SLC39A12: variants seen among roughly 807,000 people sequenced by gnomAD.
SLC39A12 encodes the protein zinc transporter ZIP12.
SLC39A12 carries 63 observed loss-of-function variants against 71.1 expected under a neutral mutation model. That is an observed-to-expected ratio of 0.89 (90% CI 0.72 to 1.09). The LOEUF is 1.09. Among genes scored for constraint, SLC39A12 ranks in the 50% least tolerant of loss-of-function variants. SLC39A12 has a pLI of 0.00. For missense variants in SLC39A12, 892 were observed against 812.6 expected (o/e 1.10, Z -1.19); for synonymous variants, 351 against 301.3 (o/e 1.16, Z -1.71).
At chr10:17,956,301 C>T (rs1317660970) in intron 2 of SLC39A12, among the ~76,000 whole-genome samples, 1 of 152,086 alleles carries the variant, frequency 6.6e-6, no homozygotes, top group East Asian at 1.9e-4. Context: ...ATGTGCTCCT[C>T]AGGGAGATCT....
At chr10:18,029,671 G>A (rs1184949738) in intron 12 of SLC39A12, among the ~76,000 whole-genome samples, 1 of 151,980 alleles carries the variant, frequency 6.6e-6, no homozygotes, top group Non-Finnish European at 1.5e-5. Flanking sequence ...TACTCTTAGA[G>A]TATAAATCAA....
At chr10:18,028,202 C>G (rs1164270468) in intron 12 of SLC39A12, among the ~76,000 whole-genome samples, 1 of 152,176 alleles carries the variant, frequency 6.6e-6, no homozygotes, top group Non-Finnish European at 1.5e-5. Flanking sequence ...ACTTAAAGTA[C>G]AACCTTACCT....
chr10:18,041,905 A>C (rs1216839217), intron 12 of SLC39A12, among the ~76,000 whole-genome samples: 2 of 147,884 alleles, frequency 1.4e-5, no homozygotes, highest in African/African-American at 5.0e-5. Context: ...GTATATGTAT[A>C]TATGTATACA....
chr10:17,980,023 A>G (rs1411553169), intron 5 of SLC39A12, among the ~76,000 whole-genome samples: 1 of 152,126 alleles, frequency 6.6e-6, no homozygotes. Context: ...TCAGGGAGGG[A>G]GAGGAGGGCA....
chr10:18,041,655 GTATA>G (rs1181037224), intron 12 of SLC39A12, among the ~76,000 whole-genome samples: 3 of 49,242 alleles, frequency 6.1e-5, no homozygotes, highest in African/African-American at 2.1e-4. Context: ...ATATACATAT[GTATA>G]TATGTGTATA....
chr10:18,042,238 G>A (rs1007427148), intron 12 of SLC39A12, among the ~76,000 whole-genome samples: 4 of 152,114 alleles, frequency 2.6e-5, no homozygotes, highest in Admixed American at 6.5e-5. Context: ...AGCACTTTGG[G>A]AGGCCGCAAC....
chr10:17,984,201 C>T (rs1835345104), intron 6 of SLC39A12, among the ~76,000 whole-genome samples: 3 of 152,172 alleles, frequency 2.0e-5, no homozygotes. Flanking sequence ...TTAGCAGAGT[C>T]CTGTGACCAC....
intron 7 of SLC39A12, among the ~76,000 whole-genome samples, chr10:17,987,974 G>C (rs1835447166): frequency 6.6e-6 from 1 of 152,134 alleles, no homozygotes; most frequent in South Asian, 2.1e-4. Flanking sequence ...AGGAGCTCAA[G>C]AACAGCCTGG....
Position 18,040,439 on chromosome 10 carries a change from C to T in SLC39A12, c.1948-2266C>T, listed in dbSNP as rs371376350. Among the ~76,000 whole-genome samples the T allele has an allele frequency of 1.3e-4, 20 of 152,162 alleles. No individual in the cohort carries two copies. In the South Asian group the frequency reaches 2.5e-3, roughly 19 times the overall value. ...ACCTAAGATGAAGAAATATCTCAAA[C>T]AGAGCATTCAGGGTGCTCCTCTCCA... is the stretch of plus-strand genomic sequence containing the variant. On this transcript the variant is annotated intron_variant, in intron 12 of 12. Coordinates refer to ENST00000377369, the MANE Select transcript of SLC39A12 (RefSeq NM_001145195.2).
At chr10:18,033,483 G>T (rs1349264942) in intron 12 of SLC39A12, among the ~76,000 whole-genome samples, 3 of 149,398 alleles carry the variant, frequency 2.0e-5, no homozygotes, top group East Asian at 2.1e-4. Context: ...ATTTCTGTGG[G>T]ATCGGTGGTG....
intron 10 of SLC39A12, among the ~76,000 whole-genome samples, chr10:17,998,626 T>G (rs1835750091): frequency 6.6e-6 from 1 of 152,194 alleles, no homozygotes; most frequent in South Asian, 2.1e-4. Flanking sequence ...CTAAAATAAG[T>G]TAGTGAACCA....
At chr10:17,999,567 AC>A (rs1835776052) in intron 10 of SLC39A12, among the ~76,000 whole-genome samples, 1 of 142,616 alleles carries the variant, frequency 7.0e-6, no homozygotes, top group South Asian at 2.4e-4. Flanking sequence ...AACTTTCAGA[AC>A]AGAAGTTCTG....
chr10:17,988,498 C>T (rs140360814), intron 7 of SLC39A12, among the ~76,000 whole-genome samples: 3 of 152,306 alleles, frequency 2.0e-5, no homozygotes, highest in Admixed American at 6.5e-5. Flanking sequence ...GCTTCCTGTA[C>T]ACCCTGCAGA....
rs148691645 is a variant in SLC39A12, at chr10:17,999,423, A to G, written c.1601-1244A>G. On this transcript the variant is annotated intron_variant, in intron 10 of 12. Transcript: ENST00000377369. The stretch of plus-strand genomic sequence containing the variant: ...ATTAATGAAAGTTTAGACTATGACA[A>G]TTGATTAATGACTTTTCTTATCAAG... Among the ~76,000 whole-genome samples, 314 of 152,248 alleles carry G rather than the reference A, an allele frequency of 2.1e-3. 3 individuals are homozygous for G. The highest frequency in any genetic ancestry group is 7.2e-3 in the African/African-American group (298 of 41,552).
At chr10:17,972,367 G>A (rs1834997661) in intron 4 of SLC39A12, among the ~76,000 whole-genome samples, 1 of 152,130 alleles carries the variant, frequency 6.6e-6, no homozygotes, top group Non-Finnish European at 1.5e-5. Context: ...GTATAGTGCA[G>A]ATGAAGTTTA....
intron 12 of SLC39A12, among the ~76,000 whole-genome samples, chr10:18,016,160 A>C (rs1388499423): frequency 6.6e-6 from 1 of 152,202 alleles, no homozygotes; most frequent in African/African-American, 2.4e-5. Flanking sequence ...GAATAGTTGC[A>C]CTGCCTAAAT....
intron 2 of SLC39A12, among the ~76,000 whole-genome samples, chr10:17,960,719 G>A (rs1428644624): frequency 6.6e-6 from 1 of 152,212 alleles, no homozygotes; most frequent in Non-Finnish European, 1.5e-5. Flanking sequence ...GTCCAGCACA[G>A]TAACCACTAG....
intron 12 of SLC39A12, among the ~76,000 whole-genome samples, chr10:18,005,037 A>G (rs1260150479): frequency 1.4e-5 from 2 of 145,546 alleles, no homozygotes; most frequent in African/African-American, 5.0e-5. Flanking sequence ...GAACACATGG[A>G]CATAGGGACG....
At chr10:18,015,398 A>C (rs1184582568) in intron 12 of SLC39A12, among the ~76,000 whole-genome samples, 1 of 151,640 alleles carries the variant, frequency 6.6e-6, no homozygotes, top group Non-Finnish European at 1.5e-5. Context: ...TACTCAAAAG[A>C]TGTTTTTTTC....
Sources: gnomAD v4.1 joint callset for allele counts (sites outside exome capture counted in the v4.1 genomes callset) on GRCh38, gnomAD v4.1.1 for gene constraint, MANE v1.5 for transcripts, NCBI Gene and HGNC (gene_info 2026-07-23, HGNC 2026-07-21) for gene names.